The following ATP6V0A1 variants were observed in gnomAD, a reference collection of about 807,000 sequenced individuals.
The protein encoded by ATP6V0A1 is V-type proton ATPase 116 kDa subunit a 1.
In ATP6V0A1, 43 loss-of-function variants were observed where a neutral mutation model predicts 105.4. The ratio of observed to expected loss-of-function variants is 0.41; its 90% CI spans 0.32 to 0.53. ATP6V0A1 has a LOEUF of 0.53. ATP6V0A1 is among the 20% of genes least tolerant of loss of function. The pLI, the probability that ATP6V0A1 is intolerant of heterozygous loss-of-function variation, is 0.30. For missense variants in ATP6V0A1, 676 were observed against 1,051.1 expected (o/e 0.64, Z 4.93); for synonymous variants, 362 against 372.8 (o/e 0.97, Z 0.33).
At chr17:42,483,500 T>C (rs1449667396) in intron 9 of ATP6V0A1, among the ~76,000 whole-genome samples, 1 of 152,016 alleles carries the variant, frequency 6.6e-6, no homozygotes, top group Non-Finnish European at 1.5e-5. Context: ...CTCCGCCTCC[T>C]AGGCGCAAGT....
intron 2 of ATP6V0A1, among the ~76,000 whole-genome samples, chr17:42,464,804 A>G (rs1288294005): frequency 6.6e-6 from 1 of 152,210 alleles, no homozygotes. Context: ...AAGCTAGGAC[A>G]TAGCTTATTC....
rs1303982939 is a variant in ATP6V0A1 at position 42,478,486 on chromosome 17, G to A, written c.530G>A (p.Arg177Gln). Residue 177 changes from arginine to glutamine, a missense_variant, in exon 7 of 22, where the codon CGG becomes CAG. Around this residue, in one of 3 missense-constraint regions of ATP6V0A1, gnomAD observed 239 missense variants for 388.4 expected, o/e 0.62. Transcript: ENST00000343619. ...RLGFVAGVIN[R>Q]ERIPTFERML... ...AGCTTCGTGGCTGGTGTCATTAACCGGGAGCGCATCCCTACTTTTGAGCGC... is the reference window on the plus strand; with the variant it reads ...AGCTTCGTGGCTGGTGTCATTAACCAGGAGCGCATCCCTACTTTTGAGCGC... 1.9e-6 allele frequency: 3 copies of A among 1,607,576 alleles called. No homozygotes were observed. Among genetic ancestry groups the A allele is most frequent in the South Asian group, 1.1e-5 (1 of 90,502 alleles).
intron 8 of ATP6V0A1, among the ~76,000 whole-genome samples, chr17:42,482,033 G>A (rs1307084337): frequency 2.0e-5 from 3 of 152,108 alleles, no homozygotes; most frequent in Admixed American, 2.0e-4. Flanking sequence ...GTAGAGATGG[G>A]GTTTTGCCGT....
chr17:42,500,893 G>C lies in ATP6V0A1; in HGVS notation c.1866G>C (p.Glu622Asp). ...ACATGTTCCTCTTTTCCTACCCAGAGTCTGGTTATTCAATGTTGTATTCTG... is the reference window on the plus strand; with the variant it reads ...ACATGTTCCTCTTTTCCTACCCAGACTCTGGTTATTCAATGTTGTATTCTG... ...FINMFLFSYP[E>D]SGYSMLYSGQ... Residue 622 changes from glutamate to aspartate, a missense_variant, in exon 16 of 22, where the codon GAG becomes GAC. Around this residue, in one of 3 missense-constraint regions of ATP6V0A1, gnomAD observed 435 missense variants for 642.2 expected, o/e 0.68. Coordinates refer to ENST00000343619, the MANE Select transcript of ATP6V0A1 (RefSeq NM_001130021.3). 1 of 1,613,932 alleles carries C rather than the reference G, an allele frequency of 6.2e-7. No individual in the cohort carries two copies. Among genetic ancestry groups the C allele is most frequent in the South Asian group, 1.1e-5 (1 of 91,074 alleles).
intron 11 of ATP6V0A1, among the ~76,000 whole-genome samples, chr17:42,491,433 C>G (rs1474519752): frequency 6.6e-6 from 1 of 152,124 alleles, no homozygotes; most frequent in African/African-American, 2.4e-5. Context: ...GCCTCAGCCT[C>G]CCGAATAGCT....
At chr17:42,475,505 C>T (rs1001018410) in intron 5 of ATP6V0A1, among the ~76,000 whole-genome samples, 4 of 152,148 alleles carry the variant, frequency 2.6e-5, no homozygotes, top group African/African-American at 9.7e-5. Context: ...TTTCTCAAAA[C>T]ATTATGAGAT....
At chr17:42,494,598 T>G in intron 12 of ATP6V0A1, 125 bp downstream of exon 12, 1 of 1,207,076 alleles carries the variant, frequency 8.3e-7, no homozygotes, top group Admixed American at 2.7e-5. Flanking sequence ...GAAGTTATGT[T>G]CATTTTAACA....
rs1431639714 is a variant in ATP6V0A1, at chr17:42,521,684, G to A, written c.*564G>A. The A allele has an allele frequency of 6.6e-6, 1 of 152,374 alleles. No individual in the cohort carries two copies. The highest frequency in any genetic ancestry group is 1.5e-5 in the Non-Finnish European group (1 of 68,100). 9.4% of individuals were successfully genotyped at this position (152,374 alleles called of 1,614,324 possible). On this transcript the variant is annotated 3_prime_UTR_variant, in exon 22 of 22. Transcript: ENST00000343619. The surrounding 1 kb of genome is among the most constrained non-coding windows in gnomAD (Gnocchi z 4.8). ...CAGCTGGACCCAACTAGGCCATCAT[G>A]AGTGGCTTCTCCCTGTCATCCCCAG...
At chr17:42,503,081 A>G (rs1239291858) in intron 17 of ATP6V0A1, among the ~76,000 whole-genome samples, 2 of 152,166 alleles carry the variant, frequency 1.3e-5, no homozygotes, top group African/African-American at 4.8e-5. Context: ...TTTCTATTCA[A>G]AAATGTAAGT....
At chr17:42,477,533 G>T in intron 5 of ATP6V0A1, 127 bp from the exon 6 acceptor site, 1 of 866,824 alleles carries the variant, frequency 1.2e-6, no homozygotes, top group Non-Finnish European at 1.7e-6. Context: ...TCTTTTCGTG[G>T]TTTGTTTTCT....
intron 8 of ATP6V0A1, 30 bp from the exon 9 acceptor site, chr17:42,483,003 ATAAGT>A (rs760982256): frequency 1.8e-5 from 25 of 1,362,456 alleles, no homozygotes; most frequent in East Asian, 2.5e-5. Flanking sequence ...TTTAAATTAG[ATAAGT>A]TAAGAAACTT....
intron 21 of ATP6V0A1, among the ~76,000 whole-genome samples, chr17:42,516,274 A>G (rs1396784821): frequency 6.6e-6 from 1 of 152,124 alleles, no homozygotes; most frequent in Non-Finnish European, 1.5e-5. Flanking sequence ...CTCCTCAAAG[A>G]TTCAGCTGTG....
At chr17:42,483,642 T>C (rs2089791406) in intron 9 of ATP6V0A1, among the ~76,000 whole-genome samples, 1 of 152,050 alleles carries the variant, frequency 6.6e-6, no homozygotes, top group Non-Finnish European at 1.5e-5. Flanking sequence ...AGTGCAGTGG[T>C]GTGATCTTGG....
chr17:42,504,330 T>C (rs2091883813), intron 17 of ATP6V0A1, among the ~76,000 whole-genome samples: 1 of 152,194 alleles, frequency 6.6e-6, no homozygotes, highest in South Asian at 2.1e-4. Flanking sequence ...CCCCTTCCTG[T>C]AACTCTCATT....
chr17:42,493,982 G>A (rs896558366), intron 11 of ATP6V0A1, among the ~76,000 whole-genome samples: 1 of 152,098 alleles, frequency 6.6e-6, no homozygotes, highest in African/African-American at 2.4e-5. Flanking sequence ...GGTGGCTCAC[G>A]CCTGTAATGC....
chr17:42,464,071 C>T lies in ATP6V0A1; in HGVS notation c.118-2358C>T, dbSNP rs191867838. On this transcript the variant is annotated intron_variant, in intron 2 of 21. Transcript: ENST00000343619. ...GAGGAAAATCTGTGTGTTAGTGGAC[C>T]AGCAGAGTTCAAACCCACATTGTTC... Among the ~76,000 whole-genome samples, 361 of 152,226 alleles carry T rather than the reference C, an allele frequency of 2.4e-3. 2 individuals are homozygous for T. Among genetic ancestry groups the T allele is most frequent in the African/African-American group, 8.3e-3 (344 of 41,536 alleles).
At chr17:42,495,244 A>G (rs2091041832) in intron 13 of ATP6V0A1, 56 bp downstream of exon 13, 9 of 1,569,256 alleles carry the variant, frequency 5.7e-6, no homozygotes, top group Non-Finnish European at 7.9e-6. Context: ...TGCAGCCCTG[A>G]TTTTTAAGAC....
rs1395382333 is a variant in ATP6V0A1 at position 42,513,640 on chromosome 17, G to A, written c.2131-221G>A. Reference sequence around the variant, plus strand: ...TGAGGGGAATGGAGGTGTCCCAGGTGAGGGCTAAGTCAGGCAGGATTTTTG... The same window carrying A: ...TGAGGGGAATGGAGGTGTCCCAGGTAAGGGCTAAGTCAGGCAGGATTTTTG... On this transcript the variant is annotated intron_variant, in intron 19 of 21. Transcript: ENST00000343619. 5.4e-6 allele frequency: 3 copies of A among 558,154 alleles called. No homozygotes were observed. In the Admixed American group the frequency reaches 9.4e-5, roughly 18 times the overall value. 34.6% of individuals were successfully genotyped at this position (558,154 alleles called of 1,614,324 possible).
intron 17 of ATP6V0A1, among the ~76,000 whole-genome samples, chr17:42,503,433 C>T (rs746804980): frequency 2.6e-5 from 4 of 152,134 alleles, no homozygotes; most frequent in Non-Finnish European, 4.4e-5. Context: ...CTCTGCTCTC[C>T]GATGTGTCGT....
Sources: allele counts gnomAD v4.1 joint callset (sites outside exome capture counted in the v4.1 genomes callset), GRCh38; gene constraint gnomAD v4.1.1; regional missense constraint gnomAD v4.1.1; non-coding constraint Gnocchi (gnomAD v3.1); transcripts MANE v1.5; gene names NCBI Gene and HGNC (gene_info 2026-07-23, HGNC 2026-07-21).